The following CACNG3 variants were observed in gnomAD, a reference collection of about 807,000 sequenced individuals.
The protein encoded by CACNG3 is calcium voltage-gated channel auxiliary subunit gamma 3, also known as voltage-dependent calcium channel gamma-3 subunit.
CACNG3 carries 3 observed loss-of-function variants against 28.5 expected under a neutral mutation model. The observed-to-expected ratio is 0.11, with a 90% confidence interval of 0.05 to 0.27. The LOEUF is 0.27. CACNG3 is among the 10% of genes least tolerant of loss of function. The pLI is 1.00. For missense variants in CACNG3, 236 were observed against 414.4 expected, an observed-to-expected ratio of 0.57 and a Z score of 3.74; for synonymous variants, 174 against 162.2, an observed-to-expected ratio of 1.07 and a Z score of -0.55.
At position 24,256,706 on chromosome 16, in the gene CACNG3, C is replaced by T. The variant is rs765885399; in HGVS notation, c.-49C>T. The T allele has an allele frequency of 2.3e-6, 3 of 1,292,420 alleles. No individual in the cohort carries two copies. The highest frequency in any genetic ancestry group is 3.4e-6 in the Non-Finnish European group (3 of 887,456). The allele number at this position is 1,292,420 out of a possible 1,614,324, so 80.1% of individuals were successfully genotyped here. The stretch of plus-strand genomic sequence containing the variant: ...TGCAGAGTGATTTTCCCCTCCGGCA[C>T]TGACTCTCCCCCTCCAACCCCCAGC... On this transcript the variant is annotated 5_prime_UTR_variant, in exon 1 of 4. Coordinates refer to ENST00000005284, the MANE Select transcript of CACNG3 (RefSeq NM_006539.4). This position sits in a 1 kb window ranked among gnomAD's most constrained non-coding sequence, Gnocchi z 4.6.
intron 1 of CACNG3, among the ~76,000 whole-genome samples, chr16:24,317,611 AAAG>A (rs1567217450): frequency 7.3e-4 from 54 of 73,982 alleles, no homozygotes; most frequent in African/African-American, 2.9e-3. Flanking sequence ...AGAAAGAAAG[AAAG>A]AAAGAAAGAA....
At chr16:24,318,596 A>T (rs945360550) in intron 1 of CACNG3, among the ~76,000 whole-genome samples, 4 of 151,928 alleles carry the variant, frequency 2.6e-5, no homozygotes, top group African/African-American at 9.7e-5. Flanking sequence ...TAGGCTCACC[A>T]CCCTCTGGTC....
chr16:24,325,412 A>G (rs1038629199), intron 1 of CACNG3, among the ~76,000 whole-genome samples: 1 of 152,100 alleles, frequency 6.6e-6, no homozygotes, highest in Non-Finnish European at 1.5e-5. Flanking sequence ...CCTTTAGCCC[A>G]CTCTATTCTC....
At chr16:24,312,750 C>T (rs1441633580) in intron 1 of CACNG3, among the ~76,000 whole-genome samples, 1 of 151,528 alleles carries the variant, frequency 6.6e-6, no homozygotes, top group Non-Finnish European at 1.5e-5. Context: ...CCCTGGAGTT[C>T]AAGGCTGCAG....
At position 24,280,164 on chromosome 16, in the gene CACNG3, G is replaced by A. The variant is rs139304110; in HGVS notation, c.211+23199G>A. Among the ~76,000 whole-genome samples, 5 of 152,328 alleles carry A rather than the reference G, an allele frequency of 3.3e-5. No individual in the cohort carries two copies. The East Asian group carries it at 9.7e-4, about 29-fold the overall frequency. On this transcript the variant is annotated intron_variant, in intron 1 of 3. Coordinates refer to ENST00000005284, the MANE Select transcript of CACNG3 (RefSeq NM_006539.4). ...CTGCCAGTCTAATTAGGCACAGATA[G>A]AGTTTATTGGGTCGTGGAAAGCCAG...
chr16:24,280,939 TG>T (rs1555458840), intron 1 of CACNG3, among the ~76,000 whole-genome samples: 1 of 151,820 alleles, frequency 6.6e-6, no homozygotes, highest in Non-Finnish European at 1.5e-5. Flanking sequence ...TTCATTCAGT[TG>T]GAAGTGACAG....
At position 24,259,368 on chromosome 16, in the gene CACNG3, T is replaced by A. The variant is rs192297003; in HGVS notation, c.211+2403T>A. Among the ~76,000 whole-genome samples, 330 of 152,314 alleles carry A rather than the reference T, an allele frequency of 2.2e-3. 2 individuals carry two copies. Among genetic ancestry groups the A allele is most frequent in the African/African-American group, 7.7e-3 (320 of 41,578 alleles). Reference sequence around the variant, plus strand: ...AAGCCTCTGATTTCTGCATGGGAAGTCACATGCAGTTGGTAGCATCCATCC... The same window carrying A: ...AAGCCTCTGATTTCTGCATGGGAAGACACATGCAGTTGGTAGCATCCATCC... On this transcript the variant is annotated intron_variant, in intron 1 of 3. Transcript: ENST00000005284.
chr16:24,271,890 T>C (rs183536932), intron 1 of CACNG3, among the ~76,000 whole-genome samples: 2 of 152,212 alleles, frequency 1.3e-5, no homozygotes, highest in African/African-American at 4.8e-5. Flanking sequence ...TCACAGTAGG[T>C]GCTCAAAACA....
intron 1 of CACNG3, among the ~76,000 whole-genome samples, chr16:24,318,488 G>C (rs369452275): frequency 4.9e-4 from 74 of 152,214 alleles, no homozygotes; most frequent in African/African-American, 1.7e-3. Flanking sequence ...TACCGCACCC[G>C]GCCTGTATAT....
intron 1 of CACNG3, among the ~76,000 whole-genome samples, chr16:24,267,967 G>A (rs569104632): frequency 4.6e-5 from 7 of 152,254 alleles, no homozygotes; most frequent in Non-Finnish European, 1.5e-5. Flanking sequence ...TACCGTGCCC[G>A]GCCTCATATC....
At chr16:24,360,596 C>T (rs1351612900) in intron 3 of CACNG3, among the ~76,000 whole-genome samples, 8 of 152,342 alleles carry the variant, frequency 5.3e-5, no homozygotes, top group African/African-American at 1.9e-4. Context: ...CAGACCCATA[C>T]ATTTCCACTG....
intron 1 of CACNG3, among the ~76,000 whole-genome samples, chr16:24,345,854 T>C (rs1451799152): frequency 1.3e-5 from 2 of 152,196 alleles, no homozygotes; most frequent in African/African-American, 2.4e-5. Context: ...TGTGGTCAGA[T>C]ATGAACATCA....
chr16:24,267,638 T>C (rs1034352076), intron 1 of CACNG3, among the ~76,000 whole-genome samples: 1 of 151,914 alleles, frequency 6.6e-6, no homozygotes, highest in Non-Finnish European at 1.5e-5. Context: ...TCTATGTGCC[T>C]AGCAATGATT....
In CACNG3 at chr16:24,313,715, C is replaced by G. The variant is rs193212599; in HGVS notation, c.212-33019C>G. ...CTTCAAATGGTGCTCCTGCCTCAGC[C>G]TCCCAAAGTGACTTTTATGTTTTTA... On this transcript the variant is annotated intron_variant, in intron 1 of 3. Coordinates refer to ENST00000005284, the MANE Select transcript of CACNG3 (RefSeq NM_006539.4). Among the ~76,000 whole-genome samples, 12 of 152,016 alleles carry G rather than the reference C, an allele frequency of 7.9e-5. No homozygotes were observed. In the South Asian group the frequency reaches 2.5e-3, roughly 32 times the overall value.
At chr16:24,347,050 T>G (rs141815032) in intron 2 of CACNG3, among the ~76,000 whole-genome samples, 2 of 152,270 alleles carry the variant, frequency 1.3e-5, no homozygotes, top group Non-Finnish European at 2.9e-5. Context: ...GGGGGATGGT[T>G]CATGCCTGTA....
chr16:24,261,614 C>T (rs921466009), intron 1 of CACNG3, among the ~76,000 whole-genome samples: 2 of 151,952 alleles, frequency 1.3e-5, no homozygotes, highest in Non-Finnish European at 2.9e-5. Context: ...ATATTTGATT[C>T]CTGAATTACT....
intron 1 of CACNG3, among the ~76,000 whole-genome samples, chr16:24,287,835 C>T (rs1891333860): frequency 6.6e-6 from 1 of 152,090 alleles, no homozygotes; most frequent in Admixed American, 6.5e-5. Context: ...AGGCCAGGTA[C>T]AGTGGGCTTA....
chr16:24,344,801 C>T (rs1420860699), intron 1 of CACNG3, among the ~76,000 whole-genome samples: 1 of 152,174 alleles, frequency 6.6e-6, no homozygotes, highest in African/African-American at 2.4e-5. Flanking sequence ...ATATGACACT[C>T]TTATTTTTAT....
chr16:24,275,612 T>A (rs1898743407), intron 1 of CACNG3, among the ~76,000 whole-genome samples: 1 of 152,200 alleles, frequency 6.6e-6, no homozygotes, highest in Admixed American at 6.5e-5. Flanking sequence ...TATTCAGGCT[T>A]GGGTATTTGG....
Sources: allele counts gnomAD v4.1 joint callset (sites outside exome capture counted in the v4.1 genomes callset), GRCh38; gene constraint gnomAD v4.1.1; non-coding constraint Gnocchi (gnomAD v3.1); transcripts MANE v1.5; gene names NCBI Gene and HGNC (gene_info 2026-07-23, HGNC 2026-07-21).